WDR59: variants seen among roughly 807,000 people sequenced by gnomAD.
The protein encoded by WDR59 is GATOR2 complex protein WDR59.
WDR59 carries 100 observed loss-of-function variants against 131.2 expected under a neutral mutation model. The observed-to-expected ratio is 0.76, with a 90% confidence interval of 0.65 to 0.90. WDR59 has a LOEUF of 0.90. Ranked by LOEUF, WDR59 falls within the 40% of genes least tolerant of loss-of-function variation. The probability of loss-of-function intolerance (pLI) is 0.00; values close to 1 mark genes in which losing one functional copy is unlikely to be tolerated. For synonymous variants in WDR59, 601 were observed against 466.2 expected (o/e 1.29, Z -3.72); for missense variants, 1,203 against 1,262.2 (o/e 0.95, Z 0.71).
At chr16:74,950,299 C>G (rs2032921466) in intron 4 of WDR59, among the ~76,000 whole-genome samples, 1 of 152,176 alleles carries the variant, frequency 6.6e-6, no homozygotes, top group Non-Finnish European at 1.5e-5. Flanking sequence ...TGCACTCCAG[C>G]CTGGGCAACA....
intron 6 of WDR59, among the ~76,000 whole-genome samples, chr16:74,945,815 CTTTTTT>C (rs777336166): frequency 7.5e-6 from 1 of 133,024 alleles, no homozygotes; most frequent in African/African-American, 2.9e-5. Flanking sequence ...ATTCACATAA[CTTTTTT>C]TTTTTTTTTT....
chr16:74,899,122 GA>G (rs1310663962), intron 18 of WDR59, among the ~76,000 whole-genome samples: 4 of 152,110 alleles, frequency 2.6e-5, no homozygotes, highest in African/African-American at 4.8e-5. Flanking sequence ...AAGAAAGAAA[GA>G]AAAGGAAAAG....
intron 1 of WDR59, among the ~76,000 whole-genome samples, chr16:74,970,548 TC>T (rs2033943768): frequency 8.6e-5 from 12 of 139,618 alleles, no homozygotes; most frequent in Non-Finnish European, 1.2e-4. Flanking sequence ...CAAGGACCTC[TC>T]TAAGCAGGTT....
At chr16:74,970,332 T>C in intron 1 of WDR59, among the ~76,000 whole-genome samples, 1 of 151,740 alleles carries the variant, frequency 6.6e-6, no homozygotes, top group Admixed American at 6.6e-5. Flanking sequence ...TGTGATACCT[T>C]GTCATTTGTC....
rs768736942 is a variant in WDR59 at position 74,939,012 on chromosome 16, AC to A, written c.535-747del. Among the ~76,000 whole-genome samples, 29 of 152,206 alleles carry A rather than the reference AC, an allele frequency of 1.9e-4. 1 individual carries two copies. Among genetic ancestry groups the A allele is most frequent in the East Asian group, 3.9e-4 (2 of 5,130 alleles). On this transcript the variant is annotated intron_variant, in intron 7 of 25. Transcript: ENST00000262144. ...GAATGAATGTACATCACAAAAAAAA[AC>A]AATACATGATTAATAAGCATAGAAA...
At chr16:74,912,000 A>G in intron 14 of WDR59, 198 bp downstream of exon 14, 2 of 653,750 alleles carry the variant, frequency 3.1e-6, no homozygotes, top group East Asian at 2.8e-5. Context: ...CTATGACCCA[A>G]AAAAGGTTAA....
Position 74,897,051 on chromosome 16 carries a change from A to T in WDR59, c.1867-3239T>A, listed in dbSNP as rs572054370. Among the ~76,000 whole-genome samples the T allele has an allele frequency of 1.1e-4, 16 of 152,346 alleles. No homozygotes were observed. In the East Asian group the frequency reaches 3.1e-3, roughly 29 times the overall value. ...ATAAATAAATTCTAAGCTCCCTGTT[A>T]ATATGGAAATTGCTTGGTCCATTTT... On this transcript the variant is annotated intron_variant, in intron 18 of 25. Transcript: ENST00000262144.
In WDR59 at chr16:74,874,025, A is replaced by G. The variant is rs1166231206; in HGVS notation, c.*184T>C. Reference sequence around the variant, plus strand: ...ATCTTCACACAGTGACATCCACACCAGGTGGCCAAACAGAAGAGAAGGCAG... The same window carrying G: ...ATCTTCACACAGTGACATCCACACCGGGTGGCCAAACAGAAGAGAAGGCAG... On this transcript the variant is annotated 3_prime_UTR_variant, in exon 26 of 26. Coordinates refer to ENST00000262144, the MANE Select transcript of WDR59 (RefSeq NM_030581.4). 13 of 597,838 alleles carry G rather than the reference A, an allele frequency of 2.2e-5. No individual in the cohort carries two copies. The highest frequency in any genetic ancestry group is 3.9e-5 in the Non-Finnish European group (13 of 336,602). 37.0% of individuals were successfully genotyped at this position (597,838 alleles called of 1,614,324 possible). A position where few individuals can be genotyped will look rare whatever the true frequency, so the allele number is the denominator to read the frequency against.
Position 74,875,552 on chromosome 16 carries a change from G to A in WDR59, c.2690-1108C>T, listed in dbSNP as rs148008932. 9.9e-5 allele frequency among the ~76,000 whole-genome samples: 15 copies of A among 152,042 alleles called. No homozygotes were observed. The East Asian group carries it at 2.7e-3, about 27-fold the overall frequency. On this transcript the variant is annotated intron_variant, in intron 25 of 25. Coordinates refer to ENST00000262144, the MANE Select transcript of WDR59 (RefSeq NM_030581.4). ...CCCCAGTTCTTAGATGATCCTGGAGGTCTCCCAAACCTACACCACTAACCC... is the reference window on the plus strand; with the variant it reads ...CCCCAGTTCTTAGATGATCCTGGAGATCTCCCAAACCTACACCACTAACCC...
At chr16:74,942,929 C>T in intron 6 of WDR59, 103 bp from the exon 7 acceptor site, 5 of 997,684 alleles carry the variant, frequency 5.0e-6, no homozygotes, top group Non-Finnish European at 6.0e-6. Flanking sequence ...GCTGAATAAG[C>T]CCAGAACCCT....
intron 20 of WDR59, among the ~76,000 whole-genome samples, chr16:74,891,912 A>G (rs1597652630): frequency 1.3e-5 from 2 of 152,336 alleles, no homozygotes; most frequent in East Asian, 3.9e-4. Flanking sequence ...CGACAGAGTG[A>G]AACTCCATCA....
At chr16:74,901,239 T>C (rs1965535700) in intron 18 of WDR59, among the ~76,000 whole-genome samples, 1 of 148,130 alleles carries the variant, frequency 6.8e-6, no homozygotes, top group South Asian at 2.1e-4. Context: ...CAAGACCTCA[T>C]CTCTACAAAA....
chr16:74,895,388 G>A (rs1343646139), intron 18 of WDR59, among the ~76,000 whole-genome samples: 2 of 152,130 alleles, frequency 1.3e-5, no homozygotes, highest in Middle Eastern at 3.4e-3. Context: ...TCAGCCTCCC[G>A]AGTAGCTGGG....
chr16:74,949,709 T>C lies in WDR59; in HGVS notation c.407+9A>G, dbSNP rs776173846. On this transcript the variant is annotated intron_variant, in intron 5 of 25. Transcript: ENST00000262144. ...CAACCAAGTGGTTATGCCTCCTAAT[T>C]GTTCTTACTTGATATCCCAAATGTA... 1 of 1,613,294 alleles carries C rather than the reference T, an allele frequency of 6.2e-7. No homozygotes were observed.
intron 1 of WDR59, among the ~76,000 whole-genome samples, chr16:74,968,643 C>T (rs1375333921): frequency 6.6e-6 from 1 of 152,078 alleles, no homozygotes; most frequent in Non-Finnish European, 1.5e-5. Flanking sequence ...ATCGCTTGAA[C>T]CCAGGAAGTG....
chr16:74,935,442 C>T (rs1312114934), intron 8 of WDR59, among the ~76,000 whole-genome samples: 1 of 152,094 alleles, frequency 6.6e-6, no homozygotes, highest in Non-Finnish European at 1.5e-5. Flanking sequence ...TGATCTATCC[C>T]TAACCTTCAA....
At chr16:74,954,759 A>G (rs1304476878) in intron 3 of WDR59, among the ~76,000 whole-genome samples, 3 of 152,210 alleles carry the variant, frequency 2.0e-5, no homozygotes, top group African/African-American at 2.4e-5. Context: ...AAACAATTAC[A>G]CAATGGAATA....
intron 1 of WDR59, among the ~76,000 whole-genome samples, chr16:74,971,006 A>G (rs867911515): frequency 8.5e-5 from 13 of 152,086 alleles, no homozygotes; most frequent in Non-Finnish European, 1.5e-4. Context: ...CAATGTTCAC[A>G]CCACTACACT....
At chr16:74,963,738 C>T (rs2033655668) in intron 2 of WDR59, among the ~76,000 whole-genome samples, 1 of 152,066 alleles carries the variant, frequency 6.6e-6, no homozygotes, top group South Asian at 2.1e-4. Flanking sequence ...TATCCTGGAA[C>T]TTAAAATTAA....
Sources: allele counts gnomAD v4.1 joint callset (sites outside exome capture counted in the v4.1 genomes callset), GRCh38; gene constraint gnomAD v4.1.1; transcripts MANE v1.5; gene names NCBI Gene and HGNC (gene_info 2026-07-23, HGNC 2026-07-21).